Variants in SCHIP1 observed in about 807,000 individuals in gnomAD.
SCHIP1 encodes the protein schwannomin-interacting protein 1.
SCHIP1 carries 8 observed loss-of-function variants against 29.7 expected under a neutral mutation model. That is an observed-to-expected ratio of 0.27 (90% CI 0.16 to 0.49). The LOEUF (loss-of-function observed/expected upper bound fraction) is 0.49, where lower values mean the gene tolerates loss of function less well. Among genes scored for constraint, SCHIP1 ranks in the 20% least tolerant of loss-of-function variants. The pLI, the probability that SCHIP1 is intolerant of heterozygous loss-of-function variation, is 0.99. For missense variants in SCHIP1, 193 were observed against 294.6 expected (o/e 0.66, Z 2.52); for synonymous variants, 76 against 94.9 (o/e 0.80, Z 1.16).
the SCHIP1 span, among the ~76,000 whole-genome samples, chr3:159,304,107 A>G: frequency 0.053 from 7,986 of 149,984 alleles, 570 homozygotes; most frequent in African/African-American, 0.17. Flanking sequence ...GTGAGAATAT[A>G]CGGTGTTTGG....
the SCHIP1 span, among the ~76,000 whole-genome samples, chr3:159,371,988 A>T: frequency 6.6e-6 from 1 of 152,190 alleles, no homozygotes; most frequent in East Asian, 1.9e-4. Context: ...CAATGGCATC[A>T]TCTCACAAGA....
chr3:159,645,497 T>G, the SCHIP1 span, among the ~76,000 whole-genome samples: 1 of 152,190 alleles, frequency 6.6e-6, no homozygotes, highest in Non-Finnish European at 1.5e-5. Context: ...CATGCTAGAA[T>G]GGATAGACTG....
At chr3:159,504,419 AATTTTAAAGTAT>A in the SCHIP1 span, among the ~76,000 whole-genome samples, 1 of 152,216 alleles carries the variant, frequency 6.6e-6, no homozygotes, top group Non-Finnish European at 1.5e-5. Context: ...ATATCAGTGG[AATTTTAAAGTAT>A]ATTTACATTT....
At chr3:159,398,881 C>T in the SCHIP1 span, 1 of 709,916 alleles carries the variant, frequency 1.4e-6, no homozygotes, top group Non-Finnish European at 1.7e-6. Context: ...TTAGGACACC[C>T]AAGTAGAAAC....
chr3:159,622,983 A>C, the SCHIP1 span, among the ~76,000 whole-genome samples: 1 of 152,218 alleles, frequency 6.6e-6, no homozygotes, highest in Non-Finnish European at 1.5e-5. Context: ...GTGCATACAC[A>C]AATATATATA....
the SCHIP1 span, among the ~76,000 whole-genome samples, chr3:159,647,850 T>G: frequency 1.3e-5 from 2 of 152,170 alleles, no homozygotes; most frequent in African/African-American, 4.8e-5. Context: ...ATTTGAAAAT[T>G]TTAGAAACAT....
At chr3:159,598,414 C>T in the SCHIP1 span, among the ~76,000 whole-genome samples, 1 of 152,140 alleles carries the variant, frequency 6.6e-6, no homozygotes, top group African/African-American at 2.4e-5. Flanking sequence ...GATAAATGCT[C>T]CTGTTCCAAA....
At chr3:159,696,046 C>T in the SCHIP1 span, among the ~76,000 whole-genome samples, 1 of 152,232 alleles carries the variant, frequency 6.6e-6, no homozygotes, top group African/African-American at 2.4e-5. Context: ...GCTGCCGCCA[C>T]TGGTACCCAT....
the SCHIP1 span, among the ~76,000 whole-genome samples, chr3:159,624,104 A>G: frequency 6.6e-6 from 1 of 152,212 alleles, no homozygotes; most frequent in Non-Finnish European, 1.5e-5. Context: ...AAATTAAAAA[A>G]ATATATAATG....
chr3:159,391,702 A>G, the SCHIP1 span, among the ~76,000 whole-genome samples: 16 of 152,210 alleles, frequency 1.1e-4, no homozygotes, highest in African/African-American at 3.9e-4. Flanking sequence ...ACAAAGATAA[A>G]TTCTTTTTAT....
the SCHIP1 span, among the ~76,000 whole-genome samples, chr3:159,790,012 G>T: frequency 6.6e-6 from 1 of 152,096 alleles, no homozygotes; most frequent in African/African-American, 2.4e-5. Flanking sequence ...TGCTGCAACC[G>T]CTCCCACCGC....
At chr3:159,686,702 A>C in the SCHIP1 span, among the ~76,000 whole-genome samples, 1 of 152,188 alleles carries the variant, frequency 6.6e-6, no homozygotes, top group Non-Finnish European at 1.5e-5. Context: ...CATATGAGAA[A>C]TTTTTTCTAT....
the SCHIP1 span, among the ~76,000 whole-genome samples, chr3:159,459,269 G>A: frequency 6.6e-6 from 1 of 152,024 alleles, no homozygotes; most frequent in Non-Finnish European, 1.5e-5. Flanking sequence ...ATAATGCTGG[G>A]ATCAAAGCTC....
At chr3:159,510,117 G>C in the SCHIP1 span, among the ~76,000 whole-genome samples, 1 of 152,222 alleles carries the variant, frequency 6.6e-6, no homozygotes, top group Admixed American at 6.5e-5. Flanking sequence ...ATCAGACGTA[G>C]ATTTGGTCTT....
chr3:159,775,350 A>G, the SCHIP1 span, among the ~76,000 whole-genome samples: 1 of 152,126 alleles, frequency 6.6e-6, no homozygotes, highest in South Asian at 2.1e-4. Flanking sequence ...GCTTTTCAGG[A>G]TGCTTGGGAA....
At chr3:159,552,227 G>T in the SCHIP1 span, among the ~76,000 whole-genome samples, 5 of 151,696 alleles carry the variant, frequency 3.3e-5, no homozygotes, top group Non-Finnish European at 5.9e-5. Context: ...TGTATTTTTA[G>T]TAGAGATAGG....
At chr3:159,435,601 C>T in the SCHIP1 span, among the ~76,000 whole-genome samples, 1 of 152,178 alleles carries the variant, frequency 6.6e-6, no homozygotes, top group East Asian at 1.9e-4. Context: ...CCTTTGGCGC[C>T]TCACAATTTC....
chr3:159,571,762 T>C, the SCHIP1 span, among the ~76,000 whole-genome samples: 1 of 152,148 alleles, frequency 6.6e-6, no homozygotes, highest in African/African-American at 2.4e-5. Flanking sequence ...GTCCTGGACT[T>C]TTTTTGGTTG....
chr3:159,868,841 T>A (rs1577462742), intron 2 of SCHIP1, among the ~76,000 whole-genome samples: 2 of 152,088 alleles, frequency 1.3e-5, no homozygotes, highest in East Asian at 3.8e-4. Context: ...GGAAAATACA[T>A]GATTGTTTAC....
Sources: gnomAD v4.1 joint callset for allele counts (sites outside exome capture counted in the v4.1 genomes callset) on GRCh38, gnomAD v4.1.1 for gene constraint, MANE v1.5 for transcripts, NCBI Gene and HGNC (gene_info 2026-07-23, HGNC 2026-07-21) for gene names.